Variants in GDPD5 observed in about 807,000 individuals in gnomAD.
GDPD5 encodes the protein glycerophosphodiester phosphodiesterase domain containing 5.
In GDPD5, 48 loss-of-function variants were observed where a neutral mutation model predicts 75.1. The ratio of observed to expected loss-of-function variants is 0.64; its 90% CI spans 0.51 to 0.81. The LOEUF is 0.81. Ranked by LOEUF, GDPD5 falls within the 40% of genes least tolerant of loss-of-function variation. The probability of loss-of-function intolerance (pLI) is 0.00; values close to 1 mark genes in which losing one functional copy is unlikely to be tolerated. For synonymous variants in GDPD5, 336 were observed against 339.0 expected (o/e 0.99, Z 0.10); for missense variants, 706 against 822.6 (o/e 0.86, Z 1.73).
At chr11:75,449,448 C>A (rs563109042) in intron 8 of GDPD5, 69 bp downstream of exon 8, 7 of 1,437,180 alleles carry the variant, frequency 4.9e-6, no homozygotes, top group South Asian at 1.2e-5. Flanking sequence ...AAGCCCAGGT[C>A]GGGGCAGCAC....
At chr11:75,455,499 T>C (rs1949266660) in intron 6 of GDPD5, 2 of 401,078 alleles carry the variant, frequency 5.0e-6, no homozygotes, top group Non-Finnish European at 1.0e-5. Context: ...CCCTGGATGC[T>C]CACAGGCACC....
At chr11:75,493,442 A>G (rs1197893127) in intron 1 of GDPD5, among the ~76,000 whole-genome samples, 1 of 151,762 alleles carries the variant, frequency 6.6e-6, no homozygotes, top group Admixed American at 6.6e-5. Context: ...CCCAGGCTGG[A>G]GTGCAGTGGC....
chr11:75,521,875 C>T (rs959743952), intron 1 of GDPD5, among the ~76,000 whole-genome samples: 10 of 152,028 alleles, frequency 6.6e-5, no homozygotes, highest in Non-Finnish European at 1.3e-4. Flanking sequence ...GCCAGAAGGC[C>T]GGGCAGAGGC....
At chr11:75,489,062 G>A (rs1182082709) in intron 2 of GDPD5, among the ~76,000 whole-genome samples, 2 of 151,940 alleles carry the variant, frequency 1.3e-5, no homozygotes, top group African/African-American at 4.8e-5. Flanking sequence ...TGAGACGGAA[G>A]GAAAAAAAGA....
At chr11:75,480,028 C>T (rs189066609) in intron 2 of GDPD5, among the ~76,000 whole-genome samples, 2 of 152,130 alleles carry the variant, frequency 1.3e-5, no homozygotes, top group African/African-American at 4.8e-5. Context: ...TTTGTGTGAA[C>T]GTGTGTTTTC....
At chr11:75,510,730 G>A (rs1013523745) in intron 1 of GDPD5, among the ~76,000 whole-genome samples, 2 of 149,988 alleles carry the variant, frequency 1.3e-5, no homozygotes, top group African/African-American at 4.9e-5. Flanking sequence ...TGGACCCCAG[G>A]AGGAAGCTCG....
chr11:75,472,574 C>T (rs1170648470), intron 3 of GDPD5, among the ~76,000 whole-genome samples: 2 of 152,114 alleles, frequency 1.3e-5, no homozygotes, highest in African/African-American at 4.8e-5. Context: ...GGAGGCAGCA[C>T]CAAGAACACA....
Position 75,477,723 on chromosome 11 carries a change from G to GGC in GDPD5, c.12_13insGC (p.Gln5AlafsTer89). 1 of 1,582,060 alleles carries GGC rather than the reference G, an allele frequency of 6.3e-7. No homozygotes were observed. The highest frequency in any genetic ancestry group is 1.1e-5 in the South Asian group (1 of 88,734). On this transcript the variant is annotated frameshift_variant, in exon 3 of 17. Coordinates refer to ENST00000336898, the MANE Select transcript of GDPD5 (RefSeq NM_030792.8). LOFTEE classifies it high-confidence loss of function. ...TGTGGCTCGTAGTACTGCAGGGGCTGGTGTCTCACCATACTCGTGCCCACG... is the reference window on the plus strand; with the variant it reads ...TGTGGCTCGTAGTACTGCAGGGGCTGGCGTGTCTCACCATACTCGTGCCCACG...
At position 75,477,697 on chromosome 11, in the gene GDPD5, C is replaced by T; in HGVS notation, c.39G>A (p.Gln13=). Residue 13 remains glutamine (Q), a synonymous_variant, in exon 3 of 17, where the codon CAG becomes CAA. Transcript: ENST00000336898. ...TGCCCGTGAGGCAGGAGAGGCACAG[C>T]TGTGGCTCGTAGTACTGCAGGGGCT... ...RHQPLQYYEP[Q]LCLSCLTGIY... is the part of the protein sequence containing the mutation. 1 of 1,597,180 alleles carries T rather than the reference C, an allele frequency of 6.3e-7. No individual in the cohort carries two copies. The highest frequency in any genetic ancestry group is 1.7e-4 in the Middle Eastern group (1 of 5,924).
At chr11:75,524,631 G>T (rs577113704) in intron 1 of GDPD5, among the ~76,000 whole-genome samples, 3 of 152,114 alleles carry the variant, frequency 2.0e-5, no homozygotes, top group Non-Finnish European at 4.4e-5. Flanking sequence ...AGATAAGCAC[G>T]TCTCAGGACC....
At chr11:75,458,650 C>T (rs1019221742) in intron 4 of GDPD5, among the ~76,000 whole-genome samples, 3 of 140,666 alleles carry the variant, frequency 2.1e-5, no homozygotes, top group Admixed American at 7.4e-5. Flanking sequence ...CCAGCCTGGG[C>T]GACAGTGTGA....
chr11:75,440,316 C>T (rs1165147413), intron 14 of GDPD5, among the ~76,000 whole-genome samples: 1 of 152,158 alleles, frequency 6.6e-6, no homozygotes, highest in Non-Finnish European at 1.5e-5. Flanking sequence ...CCGCTGCCGA[C>T]TCTCATCCAT....
intron 6 of GDPD5, among the ~76,000 whole-genome samples, chr11:75,453,836 A>G (rs559327345): frequency 2.0e-5 from 3 of 152,308 alleles, no homozygotes; most frequent in African/African-American, 7.2e-5. Flanking sequence ...GCCATCTAAA[A>G]AGAACAGAGT....
At chr11:75,457,877 C>T (rs971039279) in intron 4 of GDPD5, 91 bp from the exon 5 acceptor site, 10 of 948,716 alleles carry the variant, frequency 1.1e-5, no homozygotes, top group Admixed American at 6.3e-5. Context: ...ACACAGACGA[C>T]AGGCTGGGCT....
chr11:75,506,303 C>T (rs1189009081), intron 1 of GDPD5, among the ~76,000 whole-genome samples: 1 of 152,130 alleles, frequency 6.6e-6, no homozygotes, highest in Non-Finnish European at 1.5e-5. Flanking sequence ...CCAGCCAGCC[C>T]CAGGGAGGAA....
rs1347137608 is a variant in GDPD5, at chr11:75,467,197, C to A, written c.118-4308G>T. On this transcript the variant is annotated intron_variant, in intron 3 of 16. Transcript: ENST00000336898. Reference sequence around the variant, plus strand: ...CACGGGCTCTAAAGAGCTGGCTCTGCCACTCAGCACGTCACTTGGCCCCTC... The same window carrying A: ...CACGGGCTCTAAAGAGCTGGCTCTGACACTCAGCACGTCACTTGGCCCCTC... 2.6e-5 allele frequency among the ~76,000 whole-genome samples: 4 copies of A among 152,216 alleles called. No homozygotes were observed. The East Asian group carries it at 7.7e-4, about 29-fold the overall frequency.
intron 15 of GDPD5, chr11:75,439,433 CAG>C (rs1433783372): frequency 6.8e-6 from 3 of 440,794 alleles, no homozygotes; most frequent in African/African-American, 2.0e-5. Flanking sequence ...CAGGATGGGA[CAG>C]AGAGAGAACA....
intron 1 of GDPD5, among the ~76,000 whole-genome samples, chr11:75,498,960 T>C (rs1359411357): frequency 6.6e-6 from 1 of 152,210 alleles, no homozygotes; most frequent in African/African-American, 2.4e-5. Context: ...AAGTTCCTTC[T>C]ATGGAGCTTG....
In GDPD5 at chr11:75,440,101, G is replaced by A. The variant is rs958084903; in HGVS notation, c.1474-140C>T. ...AGGACCCTGAGAGGGTCTGGGGGCT[G>A]AAGATGACATTTTGCAGGTGTAGGC... On this transcript the variant is annotated intron_variant, in intron 14 of 16. Coordinates refer to ENST00000336898, the MANE Select transcript of GDPD5 (RefSeq NM_030792.8). The A allele has an allele frequency of 4.7e-6, 3 of 632,506 alleles. No homozygotes were observed. The African/African-American group carries it at 5.5e-5, about 12-fold the overall frequency. 39.2% of individuals were successfully genotyped at this position (632,506 alleles called of 1,614,324 possible). A position where few individuals can be genotyped will look rare whatever the true frequency, so the allele number is the denominator to read the frequency against.
Sources: gnomAD v4.1 joint callset for allele counts (sites outside exome capture counted in the v4.1 genomes callset) on GRCh38, gnomAD v4.1.1 for gene constraint, MANE v1.5 for transcripts, NCBI Gene and HGNC (gene_info 2026-07-23, HGNC 2026-07-21) for gene names.